The following PCDHA1 variants were observed in gnomAD, a reference collection of about 807,000 sequenced individuals.
PCDHA1 encodes the protein protocadherin alpha 1.
PCDHA1 carries 42 observed loss-of-function variants against 61.3 expected under a neutral mutation model. The observed-to-expected ratio is 0.69, with a 90% CI of 0.54 to 0.89. The LOEUF (loss-of-function observed/expected upper bound fraction) is 0.89. Among genes scored for constraint, PCDHA1 ranks in the 40% least tolerant of loss-of-function variants. The pLI is 0.00. For synonymous variants in PCDHA1, 610 were observed against 553.8 expected, an observed-to-expected ratio of 1.10 and a Z score of -1.43; for missense variants, 1,256 against 1,235.3, an observed-to-expected ratio of 1.02 and a Z score of -0.25.
At chr5:140,937,982 A>G (rs1227498616) in intron 1 of PCDHA1, among the ~76,000 whole-genome samples, 1 of 151,926 alleles carries the variant, frequency 6.6e-6, no homozygotes, top group Non-Finnish European at 1.5e-5. Flanking sequence ...TACTGATTTT[A>G]TGTTAACTTT....
At position 141,009,794 on chromosome 5, in the gene PCDHA1, A is replaced by G. The variant is rs1314860754; in HGVS notation, c.2710A>G (p.Thr904Ala). 1.2e-6 allele frequency: 2 copies of G among 1,614,042 alleles called. No homozygotes were observed. Among genetic ancestry groups the G allele is most frequent in the South Asian group, 1.1e-5 (1 of 91,076 alleles). Reference protein sequence around the residue: ...PAIISIRQEPTNSQIDKSDFI... With the variant: ...PAIISIRQEPANSQIDKSDFI... ...AATCATCTCCATCCGGCAGGAGCCTACTAACAGCCAAATTGACAAAAGTGA... is the reference window on the plus strand; with the variant it reads ...AATCATCTCCATCCGGCAGGAGCCTGCTAACAGCCAAATTGACAAAAGTGA... The change falls in exon 4 of 4, where the codon ACT (threonine) becomes GCT (alanine). Residue 904 changes from threonine (T) to alanine (A), a missense_variant. Physicochemically the swap from Thr to Ala is moderately conservative, Grantham distance 58. Coordinates refer to ENST00000504120, the MANE Select transcript of PCDHA1 (RefSeq NM_018900.4).
chr5:140,935,380 A>C (rs1188418457), intron 1 of PCDHA1, among the ~76,000 whole-genome samples: 1 of 152,220 alleles, frequency 6.6e-6, no homozygotes, highest in Non-Finnish European at 1.5e-5. Context: ...AGAATTACTC[A>C]TTTGTTATCC....
rs557764399 is a variant in PCDHA1, at chr5:140,865,245, G to A, written c.2394+76561G>A. On this transcript the variant is annotated intron_variant, in intron 1 of 3. Coordinates refer to ENST00000504120, the MANE Select transcript of PCDHA1 (RefSeq NM_018900.4). ...GGATCCCAGAGAACACGTATTTATA[G>A]CTGTAAGGATGTGTATCAAATTATA... The A allele has an allele frequency of 1.1e-3, 171 of 152,250 alleles. 2 individuals are homozygous for A. The highest frequency in any genetic ancestry group is 3.6e-3 in the African/African-American group (148 of 41,542). 9.4% of individuals were successfully genotyped at this position (152,250 alleles called of 1,614,324 possible).
chr5:140,814,801 T>G (rs1765593283), intron 1 of PCDHA1: 1 of 152,204 alleles, frequency 6.6e-6, no homozygotes, highest in East Asian at 1.9e-4. Context: ...ATACAACACT[T>G]GACTTTATTG....
chr5:141,000,782 C>T (rs149032263), intron 3 of PCDHA1, among the ~76,000 whole-genome samples: 174 of 152,002 alleles, frequency 1.1e-3, no homozygotes, highest in African/African-American at 3.9e-3. Flanking sequence ...TGGCGCACAC[C>T]TGTATTCCTA....
chr5:140,977,876 G>A (rs1425308379), intron 1 of PCDHA1, among the ~76,000 whole-genome samples: 3 of 152,190 alleles, frequency 2.0e-5, no homozygotes, highest in Non-Finnish European at 2.9e-5. Flanking sequence ...TAAGTATAAT[G>A]TAGAGGAAAA....
At chr5:140,993,984 CACTT>C (rs2097589955) in intron 3 of PCDHA1, among the ~76,000 whole-genome samples, 1 of 152,114 alleles carries the variant, frequency 6.6e-6, no homozygotes, top group Non-Finnish European at 1.5e-5. Flanking sequence ...ATTTATTAAG[CACTT>C]AGGTCAGGCC....
At chr5:140,856,403 G>T in intron 1 of PCDHA1, 2 of 1,598,562 alleles carry the variant, frequency 1.3e-6, no homozygotes, top group South Asian at 2.2e-5. Context: ...TTTCCATGTG[G>T]ACGTGGAAGT....
chr5:140,867,131 T>C (rs769857763), intron 1 of PCDHA1: 1 of 152,188 alleles, frequency 6.6e-6, no homozygotes, highest in African/African-American at 2.4e-5. Context: ...TTCAAATATG[T>C]GATATTATCA....
intron 1 of PCDHA1, chr5:140,858,795 C>A: frequency 2.6e-6 from 1 of 379,570 alleles, no homozygotes; most frequent in Non-Finnish European, 4.8e-6. Context: ...ATTTCATTTC[C>A]AATCTAAATT....
chr5:140,951,773 A>T (rs1554220071), intron 1 of PCDHA1, among the ~76,000 whole-genome samples: 1 of 152,198 alleles, frequency 6.6e-6, no homozygotes, highest in East Asian at 1.9e-4. Context: ...TGACGTTCTT[A>T]CATTGCAAAA....
At chr5:140,933,501 G>A (rs1320553451) in intron 1 of PCDHA1, among the ~76,000 whole-genome samples, 2 of 151,978 alleles carry the variant, frequency 1.3e-5, no homozygotes, top group Non-Finnish European at 2.9e-5. Flanking sequence ...GAATTGTTAA[G>A]CAAAGACTAC....
At chr5:140,967,784 C>G in intron 1 of PCDHA1, 1 of 1,614,174 alleles carries the variant, frequency 6.2e-7, no homozygotes, top group Non-Finnish European at 8.5e-7. Flanking sequence ...GGCGACTGAC[C>G]GGGGTCCAGT....
intron 1 of PCDHA1, among the ~76,000 whole-genome samples, chr5:140,973,299 T>C (rs1191449890): frequency 1.3e-5 from 2 of 152,198 alleles, no homozygotes; most frequent in African/African-American, 4.8e-5. Flanking sequence ...TTCTATCTGA[T>C]GACTCTATCC....
At chr5:141,004,952 C>T (rs543938360) in intron 3 of PCDHA1, among the ~76,000 whole-genome samples, 52 of 152,346 alleles carry the variant, frequency 3.4e-4, no homozygotes, top group African/African-American at 1.2e-3. Context: ...TACCCTCTCT[C>T]GTCACTGCCT....
chr5:140,833,751 A>AAC (rs2150210782), intron 1 of PCDHA1, among the ~76,000 whole-genome samples: 78,872 of 151,236 alleles, frequency 0.52, 20,702 homozygotes, highest in Middle Eastern at 0.64. Flanking sequence ...CTAAAAAGAA[A>AAC]ACACACACAC....
intron 1 of PCDHA1, chr5:140,828,588 C>A: frequency 6.2e-7 from 1 of 1,614,210 alleles, no homozygotes; most frequent in South Asian, 1.1e-5. Context: ...GGCTCAAATT[C>A]CATCTTAACC....
chr5:140,828,424 C>T (rs138737999), intron 1 of PCDHA1: 4 of 1,614,132 alleles, frequency 2.5e-6, no homozygotes, highest in Non-Finnish European at 3.4e-6. Context: ...TGATCGTGGA[C>T]AGGCCGCTGC....
At chr5:140,828,114 G>C in intron 1 of PCDHA1, 1 of 1,612,228 alleles carries the variant, frequency 6.2e-7, no homozygotes, top group African/African-American at 1.3e-5. Flanking sequence ...CCGGAGGATA[G>C]ATTGGGAAAG....
Sources: allele counts gnomAD v4.1 joint callset (sites outside exome capture counted in the v4.1 genomes callset), GRCh38; gene constraint gnomAD v4.1.1; transcripts MANE v1.5; gene names NCBI Gene and HGNC (gene_info 2026-07-23, HGNC 2026-07-21).